Variants in ARPC3 observed in about 807,000 individuals in gnomAD.
ARPC3 encodes actin-related protein 2/3 complex subunit 3.
Under a neutral mutation model 27.6 loss-of-function variants are expected in ARPC3, and 12 were observed. The ratio of observed to expected loss-of-function variants is 0.43; its 90% CI spans 0.28 to 0.70. The LOEUF (loss-of-function observed/expected upper bound fraction) is 0.70, where lower values mean the gene tolerates loss of function less well. Among genes scored for constraint, ARPC3 ranks in the 30% least tolerant of loss-of-function variants. The pLI, the probability that ARPC3 is intolerant of heterozygous loss-of-function variation, is 0.17. For missense variants in ARPC3, 153 were observed against 207.7 expected (o/e 0.74, Z 1.62); for synonymous variants, 53 against 67.2 (o/e 0.79, Z 1.03).
In ARPC3 at chr12:110,450,116, C is replaced by A. The variant is rs943723301; in HGVS notation, c.6+139G>T. ...CCGCCCCAATCCTTCAGCAACCGGT[C>A]CCCTCCCCTCGCCTCCCTCCTTCTC... On this transcript the variant is annotated intron_variant, in intron 1 of 6. Transcript: ENST00000228825. The A allele has an allele frequency of 3.5e-5, 45 of 1,279,602 alleles. 1 individual carries two copies. The Admixed American group carries it at 4.1e-4, about 12-fold the overall frequency. 79.3% of individuals were successfully genotyped at this position (1,279,602 alleles called of 1,614,324 possible).
At chr12:110,448,299 C>T (rs1045685747) in intron 1 of ARPC3, among the ~76,000 whole-genome samples, 4 of 152,022 alleles carry the variant, frequency 2.6e-5, no homozygotes, top group Admixed American at 6.6e-5. Context: ...TTCATAGGGT[C>T]GTTATGAGGA....
intron 3 of ARPC3, among the ~76,000 whole-genome samples, chr12:110,439,335 T>C (rs1330101952): frequency 1.3e-5 from 2 of 152,180 alleles, no homozygotes; most frequent in Non-Finnish European, 2.9e-5. Context: ...CAGGCTGGTC[T>C]CGAACTCCTG....
At chr12:110,436,778 T>C (rs73206893) in intron 4 of ARPC3, 95 bp from the exon 5 acceptor site, 67,009 of 1,059,698 alleles carry the variant, frequency 0.063, 2,589 homozygotes, top group Middle Eastern at 0.094. Context: ...AAAGAAGAAT[T>C]CTATCCTTGG....
At chr12:110,440,443 A>G in intron 2 of ARPC3, 55 bp from the exon 3 acceptor site, 1 of 1,190,072 alleles carries the variant, frequency 8.4e-7, no homozygotes, top group Non-Finnish European at 1.3e-6. Flanking sequence ...TACAAAACAT[A>G]ACAACTATCA....
chr12:110,440,444 A>G, intron 2 of ARPC3, 56 bp from the exon 3 acceptor site: 1 of 1,187,894 alleles, frequency 8.4e-7, no homozygotes, highest in Non-Finnish European at 1.3e-6. Context: ...ACAAAACATA[A>G]CAACTATCAA....
At chr12:110,444,238 T>C (rs1362781990) in intron 2 of ARPC3, among the ~76,000 whole-genome samples, 3 of 152,070 alleles carry the variant, frequency 2.0e-5, no homozygotes, top group Non-Finnish European at 4.4e-5. Flanking sequence ...CTCAAAGTGC[T>C]GGGATTATAG....
chr12:110,437,129 T>A lies in ARPC3; in HGVS notation c.207A>T (p.Ile69=). ...ATTCAGAAATGTAGAGAGTTATATA[T>A]ATCAAGGTCCTATCAGCTTCATTCT... ...EIKNEADRTL[I]YITLYISECL... The change falls in exon 4 of 7, where the codon ATA becomes ATT. Residue 69 remains isoleucine (I), a synonymous_variant. Transcript: ENST00000228825. 6.2e-7 allele frequency: 1 copy of A among 1,600,990 alleles called. No individual in the cohort carries two copies. The highest frequency in any genetic ancestry group is 8.6e-7 in the Non-Finnish European group (1 of 1,169,036).
At chr12:110,446,003 C>T (rs1255452984) in intron 1 of ARPC3, among the ~76,000 whole-genome samples, 1 of 151,180 alleles carries the variant, frequency 6.6e-6, no homozygotes, top group Non-Finnish European at 1.5e-5. Flanking sequence ...ATGTGGGAGG[C>T]TAAGCTGGAG....
chr12:110,446,950 C>A (rs1393860235), intron 1 of ARPC3, among the ~76,000 whole-genome samples: 1 of 152,170 alleles, frequency 6.6e-6, no homozygotes, highest in Admixed American at 6.6e-5. Flanking sequence ...TGTCTATGTT[C>A]TTAAGGTTAT....
At chr12:110,443,969 G>GT (rs34686679) in intron 2 of ARPC3, among the ~76,000 whole-genome samples, 29,342 of 145,938 alleles carry the variant, frequency 0.2, 3,122 homozygotes, top group Admixed American at 0.29. Flanking sequence ...TCCAATTCAG[G>GT]TTTTTTTTTT....
intron 2 of ARPC3, 54 bp from the exon 3 acceptor site, chr12:110,440,442 TAAC>T (rs1255828481): frequency 5.7e-5 from 69 of 1,210,646 alleles, no homozygotes; most frequent in Middle Eastern, 1.9e-4. Flanking sequence ...ATACAAAACA[TAAC>T]AACTATCAAA....
At chr12:110,443,874 T>G (rs1266167475) in intron 2 of ARPC3, among the ~76,000 whole-genome samples, 1 of 152,100 alleles carries the variant, frequency 6.6e-6, no homozygotes, top group Non-Finnish European at 1.5e-5. Flanking sequence ...ACTTGGCACA[T>G]AAAAGGCATT....
intron 5 of ARPC3, 133 bp from the exon 6 acceptor site, chr12:110,436,337 A>G: frequency 2.8e-6 from 3 of 1,074,964 alleles, no homozygotes; most frequent in Non-Finnish European, 4.1e-6. Flanking sequence ...ATGACAGTCC[A>G]GATAGTTTTA....
rs556197117 is a variant in ARPC3, at chr12:110,446,611, ATTTTT to A, written c.7-1065_7-1061del. 7.8e-3 allele frequency among the ~76,000 whole-genome samples: 1,016 copies of A among 130,700 alleles called. 1 individual carries two copies. Among genetic ancestry groups the A allele is most frequent in the Non-Finnish European group, 0.01 (631 of 60,588 alleles). 85.7% of individuals were successfully genotyped at this position (130,700 alleles called of 152,430 possible). A position where few individuals can be genotyped will look rare whatever the true frequency, so the allele number is the denominator to read the frequency against. ...TGCACTGCACTTGGCCTACTTCCTA[ATTTTT>A]TTTTTTTTTTGAGACGGAGTCTTGC... On this transcript the variant is annotated intron_variant, in intron 1 of 6. Transcript: ENST00000228825.
At position 110,445,495 on chromosome 12, in the gene ARPC3, C is replaced by T; in HGVS notation, c.63G>A (p.Leu21=). 1 of 1,613,892 alleles carries T rather than the reference C, an allele frequency of 6.2e-7. No homozygotes were observed. The highest frequency in any genetic ancestry group is 8.5e-7 in the Non-Finnish European group (1 of 1,179,808). The change falls in exon 2 of 7, where the codon CTG becomes CTA. Residue 21 remains leucine (L), a synonymous_variant. Transcript: ENST00000228825. ...PDTKLIGNMA[L]LPIRSQFKGP... is the part of the protein sequence containing the mutation. ...CTTTGAATTGACTTCTGATAGGCAA[C>T]AGTGCCATGTTTCCGATGAGTTTGG...
Position 110,436,703 on chromosome 12 carries a change from T to TATATATACACACATACACACAC in ARPC3, c.253-21_253-20insGTGTGTGTATGTGTGTATATAT. On this transcript the variant is annotated intron_variant, in intron 4 of 6. Transcript: ENST00000228825. ...ATTGCACTGGAAAAAAAAATATATA[T>TATATATACACACATACACACAC]ATATATATACACACACACACACACA... The TATATATACACACATACACACAC allele has an allele frequency of 1.2e-6, 1 of 850,436 alleles. No individual in the cohort carries two copies. Among genetic ancestry groups the TATATATACACACATACACACAC allele is most frequent in the African/African-American group, 2.3e-5 (1 of 43,162 alleles). The allele number at this position is 850,436 out of a possible 1,614,324, so 52.7% of individuals were successfully genotyped here. A position where few individuals can be genotyped will look rare whatever the true frequency, so the allele number is the denominator to read the frequency against.
intron 3 of ARPC3, among the ~76,000 whole-genome samples, chr12:110,438,096 G>C (rs1444932611): frequency 6.6e-6 from 1 of 151,828 alleles, no homozygotes; most frequent in African/African-American, 2.4e-5. Flanking sequence ...AGGAGTTTGA[G>C]ACCAGCCTGG....
At chr12:110,446,766 G>A (rs1332436808) in intron 1 of ARPC3, among the ~76,000 whole-genome samples, 1 of 151,390 alleles carries the variant, frequency 6.6e-6, no homozygotes, top group East Asian at 1.9e-4. Context: ...GTGCCACCAC[G>A]CCCAGCTAAT....
At chr12:110,441,464 GTTTAT>G (rs986316846) in intron 2 of ARPC3, among the ~76,000 whole-genome samples, 2 of 152,110 alleles carry the variant, frequency 1.3e-5, no homozygotes, top group African/African-American at 2.4e-5. Flanking sequence ...GTAGTACATG[GTTTAT>G]TTTTACAGCT....
Sources: gnomAD v4.1 joint callset for allele counts (sites outside exome capture counted in the v4.1 genomes callset) on GRCh38, gnomAD v4.1.1 for gene constraint, MANE v1.5 for transcripts, NCBI Gene and HGNC (gene_info 2026-07-23, HGNC 2026-07-21) for gene names.